ERC1: variants seen among roughly 807,000 people sequenced by gnomAD.
ERC1 encodes ELKS/RAB6-interacting/CAST family member 1.
ERC1 carries 56 observed loss-of-function variants against 132.0 expected under a neutral mutation model. The ratio of observed to expected loss-of-function variants is 0.42; its 90% CI spans 0.34 to 0.53. The LOEUF (loss-of-function observed/expected upper bound fraction) is 0.53. ERC1 is among the 20% of genes least tolerant of loss of function. ERC1 has a pLI of 0.03. For missense variants in ERC1, 1,202 were observed against 1,349.9 expected (o/e 0.89, Z 1.72); for synonymous variants, 478 against 476.1 (o/e 1.00, Z -0.05).
intron 8 of ERC1, among the ~76,000 whole-genome samples, chr12:1,169,309 A>G (rs2906103): frequency 0.43 from 65,988 of 151,910 alleles, 16,092 homozygotes; most frequent in African/African-American, 0.66. Flanking sequence ...AGATTGTCTT[A>G]GCTAAAGACA....
intron 16 of ERC1, among the ~76,000 whole-genome samples, chr12:1,381,765 ACTT>A (rs2088698666): frequency 6.6e-6 from 1 of 152,046 alleles, no homozygotes; most frequent in Non-Finnish European, 1.5e-5. Flanking sequence ...TCCACTTTAA[ACTT>A]CTCTTCAAGA....
intron 8 of ERC1, among the ~76,000 whole-genome samples, chr12:1,179,241 C>T (rs987612169): frequency 3.3e-5 from 5 of 152,024 alleles, no homozygotes; most frequent in African/African-American, 7.3e-5. Flanking sequence ...TGTCTATATG[C>T]GAGTCCTCTT....
intron 18 of ERC1, among the ~76,000 whole-genome samples, chr12:1,458,415 G>A (rs2093582334): frequency 6.6e-6 from 1 of 152,122 alleles, no homozygotes; most frequent in Non-Finnish European, 1.5e-5. Flanking sequence ...ATTGTTTTTA[G>A]AGGTATTGAT....
chr12:1,108,914 C>T (rs139803751), intron 4 of ERC1, among the ~76,000 whole-genome samples: 1 of 152,312 alleles, frequency 6.6e-6, no homozygotes, highest in African/African-American at 2.4e-5. Flanking sequence ...TAATCTCTCT[C>T]ATCTTTATGC....
intron 15 of ERC1, among the ~76,000 whole-genome samples, chr12:1,328,826 G>GGATGCAAAGTGAGGCAATAACTACA (rs1555362532): frequency 1.3e-5 from 2 of 149,108 alleles, no homozygotes; most frequent in Admixed American, 6.7e-5. Context: ...GTTGAATTAG[G>GGATGCAAAGTGAGGCAATAACTACA]AGCATCTAAT....
chr12:1,146,903 T>C (rs752610126), intron 8 of ERC1, among the ~76,000 whole-genome samples: 16 of 152,134 alleles, frequency 1.1e-4, no homozygotes, highest in Non-Finnish European at 1.9e-4. Flanking sequence ...GATAGTTTGC[T>C]GACAATGATG....
intron 15 of ERC1, among the ~76,000 whole-genome samples, chr12:1,308,733 C>T (rs751757579): frequency 7.9e-5 from 12 of 152,104 alleles, no homozygotes; most frequent in Non-Finnish European, 1.6e-4. Context: ...TTTTTTAAAC[C>T]TTGGAATCAG....
chr12:1,225,473 C>CACACACACAG (rs2074503808), intron 12 of ERC1, among the ~76,000 whole-genome samples: 5 of 151,516 alleles, frequency 3.3e-5, no homozygotes, highest in African/African-American at 9.7e-5. Flanking sequence ...CACACACACA[C>CACACACACAG]ACACACACAC....
chr12:1,401,660 A>C lies in ERC1; in HGVS notation c.2926-6489A>C, dbSNP rs937647091. 2.0e-5 allele frequency among the ~76,000 whole-genome samples: 3 copies of C among 152,008 alleles called. No homozygotes were observed. In the South Asian group the frequency reaches 6.2e-4, roughly 32 times the overall value. On this transcript the variant is annotated intron_variant, in intron 16 of 18. Transcript: ENST00000360905. The stretch of plus-strand genomic sequence containing the variant: ...TTCATATTGTTGCTATGAGGATTAA[A>C]TTACCTAAAGCTCTCAGAATACTTG...
intron 3 of ERC1, among the ~76,000 whole-genome samples, chr12:1,102,079 T>G (rs1013947588): frequency 5.3e-5 from 8 of 152,222 alleles, no homozygotes; most frequent in Non-Finnish European, 1.5e-5. Context: ...GCTAGGATAA[T>G]TCTTTAATGG....
intron 17 of ERC1, among the ~76,000 whole-genome samples, chr12:1,441,382 A>G (rs2093150151): frequency 6.6e-6 from 1 of 152,182 alleles, no homozygotes; most frequent in Non-Finnish European, 1.5e-5. Context: ...TTTATTAAGA[A>G]TAAGGATCTA....
chr12:1,302,367 A>G (rs1413726204), intron 15 of ERC1, among the ~76,000 whole-genome samples: 3 of 152,220 alleles, frequency 2.0e-5, no homozygotes, highest in African/African-American at 7.2e-5. Flanking sequence ...GAGCATCATG[A>G]AAAATTTACA....
chr12:1,031,664 T>C (rs771425906), intron 2 of ERC1, among the ~76,000 whole-genome samples: 7 of 152,220 alleles, frequency 4.6e-5, no homozygotes, highest in Admixed American at 1.3e-4. Flanking sequence ...AAAATTTGAA[T>C]GTTTTAATAT....
chr12:1,339,673 G>A (rs543522948), intron 15 of ERC1, among the ~76,000 whole-genome samples: 1 of 152,330 alleles, frequency 6.6e-6, no homozygotes, highest in East Asian at 1.9e-4. Context: ...TGGGGGGCCA[G>A]AGAGCCCTTG....
chr12:1,192,284 G>T (rs1183443443), intron 12 of ERC1, among the ~76,000 whole-genome samples: 1 of 152,166 alleles, frequency 6.6e-6, no homozygotes, highest in African/African-American at 2.4e-5. Flanking sequence ...GCCCTTGAAT[G>T]CCATTTTTAT....
chr12:1,419,335 A>C (rs1273897229), intron 17 of ERC1, among the ~76,000 whole-genome samples: 1 of 151,914 alleles, frequency 6.6e-6, no homozygotes, highest in Non-Finnish European at 1.5e-5. Context: ...GTATACTACA[A>C]ATGTACTTTT....
rs2092508954 is a variant in ERC1, at chr12:1,423,582, T to G, written c.3024+15335T>G. ...CATACAGTGTTCTGTAAGTATCAAC[T>G]GGGTCAGGTGGTTGATAGAGTCTGT... On this transcript the variant is annotated intron_variant, in intron 17 of 18. Transcript: ENST00000360905. Among the ~76,000 whole-genome samples, 6 of 152,328 alleles carry G rather than the reference T, an allele frequency of 3.9e-5. No homozygotes were observed. In the South Asian group the frequency reaches 1.2e-3, roughly 32 times the overall value.
chr12:1,093,402 G>A (rs1943503533), intron 3 of ERC1, among the ~76,000 whole-genome samples: 1 of 152,134 alleles, frequency 6.6e-6, no homozygotes, highest in Non-Finnish European at 1.5e-5. Context: ...TAGTGCTGAG[G>A]GCTTGACAGG....
chr12:1,196,254 C>G (rs894216376), intron 12 of ERC1, among the ~76,000 whole-genome samples: 2 of 152,142 alleles, frequency 1.3e-5, no homozygotes, highest in African/African-American at 4.8e-5. Context: ...CTGCCTCCAC[C>G]TCATCCCCCA....
Sources: gnomAD v4.1 joint callset for allele counts (sites outside exome capture counted in the v4.1 genomes callset) on GRCh38, gnomAD v4.1.1 for gene constraint, MANE v1.5 for transcripts, NCBI Gene and HGNC (gene_info 2026-07-23, HGNC 2026-07-21) for gene names.